The following HMGCLL1 variants were observed in gnomAD, a reference collection of about 807,000 sequenced individuals.
HMGCLL1 encodes the protein 3-hydroxy-3-methylglutaryl-CoA lyase like 1.
HMGCLL1 carries 36 observed loss-of-function variants against 39.1 expected under a neutral mutation model. The ratio of observed to expected loss-of-function variants is 0.92; its 90% CI spans 0.71 to 1.22. HMGCLL1 has a LOEUF of 1.22. Among genes scored for constraint, HMGCLL1 ranks in the 50% most tolerant of loss-of-function variants. The pLI is 0.00. For synonymous variants in HMGCLL1, 149 were observed against 144.0 expected (o/e 1.03, Z -0.25); for missense variants, 451 against 416.5 (o/e 1.08, Z -0.72).
intron 7 of HMGCLL1, among the ~76,000 whole-genome samples, chr6:55,450,897 T>C (rs999112317): frequency 5.9e-5 from 9 of 152,168 alleles, no homozygotes; most frequent in Admixed American, 5.9e-4. Flanking sequence ...AACAGAGATA[T>C]GTTAAAGGAA....
chr6:55,477,447 T>TAA (rs1236647354), intron 7 of HMGCLL1, among the ~76,000 whole-genome samples: 1 of 59,132 alleles, frequency 1.7e-5, no homozygotes, highest in African/African-American at 7.5e-5. Context: ...ATTATATATA[T>TAA]AATATATTAC....
intron 5 of HMGCLL1, chr6:55,513,558 G>C (rs987904130): frequency 6.5e-6 from 1 of 154,046 alleles, no homozygotes; most frequent in Admixed American, 6.6e-5. Context: ...AGCCATTGAG[G>C]GGGAGAAAGA....
In HMGCLL1 at chr6:55,573,570, G is replaced by A. The variant is rs139138620; in HGVS notation, c.108+5378C>T. Among the ~76,000 whole-genome samples the A allele has an allele frequency of 4.5e-4, 69 of 151,680 alleles. 1 individual carries two copies. The East Asian group carries it at 0.012, about 27-fold the overall frequency. ...AAGAACTCAATAAATTAGATTAACA[G>A]CAAATTAAACAAAGCTGAAGAAGAA... On this transcript the variant is annotated intron_variant, in intron 1 of 8. Coordinates refer to ENST00000274901, the MANE Select transcript of HMGCLL1 (RefSeq NM_001042406.2).
chr6:55,657,854 AC>A, the HMGCLL1 span, among the ~76,000 whole-genome samples: 3 of 151,876 alleles, frequency 2.0e-5, no homozygotes, highest in Non-Finnish European at 4.4e-5. Context: ...GGGAACCAAA[AC>A]ATGAGAACAC....
upstream of HMGCLL1, among the ~76,000 whole-genome samples, chr6:55,581,278 C>T (rs1212944009): frequency 2.0e-5 from 3 of 152,054 alleles, no homozygotes; most frequent in South Asian, 2.1e-4. Flanking sequence ...CATAGTGATA[C>T]GTGTTTTTTT....
At chr6:55,506,178 G>A (rs1389229298) in intron 5 of HMGCLL1, among the ~76,000 whole-genome samples, 2 of 151,718 alleles carry the variant, frequency 1.3e-5, no homozygotes, top group Non-Finnish European at 3.0e-5. Context: ...TCAGACCCGG[G>A]AAGCCAGACA....
chr6:55,603,197 C>G, the HMGCLL1 span, among the ~76,000 whole-genome samples: 3 of 152,002 alleles, frequency 2.0e-5, no homozygotes, highest in Non-Finnish European at 4.4e-5. Flanking sequence ...CTATCAGTAC[C>G]AATCTGAAAA....
the HMGCLL1 span, among the ~76,000 whole-genome samples, chr6:55,648,331 C>G: frequency 6.7e-6 from 1 of 150,090 alleles, no homozygotes; most frequent in Non-Finnish European, 1.5e-5. Context: ...CAAACACATT[C>G]AAAAGCTAGC....
intron 1 of HMGCLL1, among the ~76,000 whole-genome samples, chr6:55,556,019 G>A (rs1182209808): frequency 2.6e-5 from 4 of 152,000 alleles, no homozygotes; most frequent in African/African-American, 2.4e-5. Context: ...GGATCTTTGC[G>A]GGGGTTCCCT....
the HMGCLL1 span, among the ~76,000 whole-genome samples, chr6:55,625,904 C>A: frequency 6.6e-6 from 1 of 152,092 alleles, no homozygotes; most frequent in Non-Finnish European, 1.5e-5. Context: ...ATAGGATGAC[C>A]CGTTCTGTGG....
intron 1 of HMGCLL1, among the ~76,000 whole-genome samples, chr6:55,569,476 G>A (rs887708887): frequency 6.6e-6 from 1 of 152,138 alleles, no homozygotes; most frequent in Non-Finnish European, 1.5e-5. Context: ...AGGAAGCACT[G>A]GTATCATGGC....
At chr6:55,642,479 T>C in the HMGCLL1 span, among the ~76,000 whole-genome samples, 1 of 152,076 alleles carries the variant, frequency 6.6e-6, no homozygotes, top group Non-Finnish European at 1.5e-5. Context: ...TTTATGGGTA[T>C]GTATAGGCAT....
chr6:55,666,359 T>C, the HMGCLL1 span, among the ~76,000 whole-genome samples: 1 of 151,688 alleles, frequency 6.6e-6, no homozygotes, highest in Admixed American at 6.6e-5. Flanking sequence ...CACATTCTTA[T>C]CCACTCAAAG....
At chr6:55,468,251 T>G (rs747382818) in intron 7 of HMGCLL1, among the ~76,000 whole-genome samples, 4 of 152,024 alleles carry the variant, frequency 2.6e-5, no homozygotes, top group African/African-American at 2.4e-5. Flanking sequence ...CTTTTTGAAT[T>G]TTTTGAAAAT....
chr6:55,498,393 A>G (rs1245797567), intron 6 of HMGCLL1, among the ~76,000 whole-genome samples: 16 of 152,134 alleles, frequency 1.1e-4, no homozygotes, highest in Admixed American at 4.6e-4. Context: ...ATAAAAGGAT[A>G]TGTTTCATTT....
At chr6:55,528,973 A>G (rs905805629) in intron 3 of HMGCLL1, among the ~76,000 whole-genome samples, 1 of 152,110 alleles carries the variant, frequency 6.6e-6, no homozygotes, top group Non-Finnish European at 1.5e-5. Flanking sequence ...GACCCAGGCT[A>G]CCCAAATGGA....
At chr6:55,554,598 CATA>C (rs1770551052) in intron 1 of HMGCLL1, among the ~76,000 whole-genome samples, 1 of 151,874 alleles carries the variant, frequency 6.6e-6, no homozygotes, top group Admixed American at 6.6e-5. Context: ...TTTCAGAAAC[CATA>C]ATATTTGGGA....
At chr6:55,499,665 T>C (rs1382241734) in intron 5 of HMGCLL1, among the ~76,000 whole-genome samples, 1 of 150,222 alleles carries the variant, frequency 6.7e-6, no homozygotes, top group Non-Finnish European at 1.5e-5. Context: ...AATATCTGGG[T>C]CTTTGGAAAC....
At chr6:55,657,115 A>C in the HMGCLL1 span, among the ~76,000 whole-genome samples, 1 of 151,872 alleles carries the variant, frequency 6.6e-6, no homozygotes, top group East Asian at 1.9e-4. Context: ...TGTCAGATGC[A>C]TAGTTTGCAA....
Sources: gnomAD v4.1 joint callset for allele counts (sites outside exome capture counted in the v4.1 genomes callset) on GRCh38, gnomAD v4.1.1 for gene constraint, MANE v1.5 for transcripts, NCBI Gene and HGNC (gene_info 2026-07-23, HGNC 2026-07-21) for gene names.